Variants in DSCAML1 observed in about 807,000 individuals in gnomAD.
DSCAML1 encodes the protein DS cell adhesion molecule like 1, also known as cell adhesion molecule DSCAML1.
A neutral mutation model predicts 200.5 loss-of-function variants in DSCAML1; 38 were observed. That is an observed-to-expected ratio of 0.19 (90% confidence interval 0.15 to 0.25). The LOEUF (loss-of-function observed/expected upper bound fraction) is 0.25, where lower values mean the gene tolerates loss of function less well. Ranked by LOEUF, DSCAML1 falls within the 10% of genes least tolerant of loss-of-function variation. The pLI is 1.00. For missense variants in DSCAML1, 2,223 were observed against 2,858.8 expected (o/e 0.78, Z 5.07); for synonymous variants, 1,215 against 1,165.0 (o/e 1.04, Z -0.87).
At position 117,436,042 on chromosome 11, in the gene DSCAML1, A is replaced by G. The variant is rs144262042; in HGVS notation, c.4721-243T>C. ...AACAAAGTCCTGGTACTGTTGTAGAATTAGCCTAAAGTCTCCTGGAGTTAG... is the reference window on the plus strand; with the variant it reads ...AACAAAGTCCTGGTACTGTTGTAGAGTTAGCCTAAAGTCTCCTGGAGTTAG... On this transcript the variant is annotated intron_variant, in intron 26 of 32. Coordinates refer to ENST00000651296, the MANE Select transcript of DSCAML1 (RefSeq NM_020693.4). Among the ~76,000 whole-genome samples, 326 of 152,340 alleles carry G rather than the reference A, an allele frequency of 2.1e-3. 1 individual carries two copies. The highest frequency in any genetic ancestry group is 7.3e-3 in the African/African-American group (303 of 41,580).
intron 3 of DSCAML1, among the ~76,000 whole-genome samples, chr11:117,543,959 T>A (rs1279722265): frequency 2.0e-5 from 3 of 152,146 alleles, no homozygotes; most frequent in Non-Finnish European, 4.4e-5. Context: ...AACCAGAAGC[T>A]GAGGAAGGGG....
At chr11:117,476,201 G>A (rs2048788600) in intron 14 of DSCAML1, among the ~76,000 whole-genome samples, 1 of 152,162 alleles carries the variant, frequency 6.6e-6, no homozygotes, top group East Asian at 1.9e-4. Context: ...GGAGATGTCA[G>A]TGCCTTCTGC....
chr11:117,575,589 G>C (rs115651152), intron 3 of DSCAML1, among the ~76,000 whole-genome samples: 2,525 of 152,284 alleles, frequency 0.017, 66 homozygotes, highest in African/African-American at 0.057. Context: ...CTCAAAGCTT[G>C]ACCTCCAACT....
At chr11:117,686,951 T>C (rs1451672240) in intron 3 of DSCAML1, among the ~76,000 whole-genome samples, 1 of 152,224 alleles carries the variant, frequency 6.6e-6, no homozygotes, top group Non-Finnish European at 1.5e-5. Context: ...TTATGACACA[T>C]TGAATGTCTT....
At chr11:117,636,501 G>C (rs2052286490) in intron 3 of DSCAML1, among the ~76,000 whole-genome samples, 1 of 152,062 alleles carries the variant, frequency 6.6e-6, no homozygotes, top group Non-Finnish European at 1.5e-5. Flanking sequence ...GCTTCCTATG[G>C]GCTCTATCCT....
chr11:117,741,436 C>G (rs1291683318), intron 3 of DSCAML1, among the ~76,000 whole-genome samples: 1 of 152,238 alleles, frequency 6.6e-6, no homozygotes, highest in Non-Finnish European at 1.5e-5. Context: ...CTGCATGGAG[C>G]AGATGCCCAC....
chr11:117,532,350 C>T (rs760976081), intron 4 of DSCAML1, 26 bp downstream of exon 4: 12 of 1,605,884 alleles, frequency 7.5e-6, no homozygotes, highest in African/African-American at 1.3e-5. Context: ...CAGCCTGCCC[C>T]GTTCTCCCCA....
intron 3 of DSCAML1, among the ~76,000 whole-genome samples, chr11:117,568,217 T>G (rs2050788846): frequency 6.6e-6 from 1 of 152,304 alleles, no homozygotes; most frequent in African/African-American, 2.4e-5. Context: ...ATTGATGGGA[T>G]GTATCTCAAA....
chr11:117,671,878 G>A (rs1430450357), intron 3 of DSCAML1, among the ~76,000 whole-genome samples: 8 of 152,026 alleles, frequency 5.3e-5, no homozygotes, highest in Non-Finnish European at 4.4e-5. Context: ...TTGGGAGGCC[G>A]AGGCGGGCGG....
rs200907313 is a variant in DSCAML1 at position 117,598,452 on chromosome 11, C to T, written c.512-65930G>A. On this transcript the variant is annotated intron_variant, in intron 3 of 32. Coordinates refer to ENST00000651296, the MANE Select transcript of DSCAML1 (RefSeq NM_020693.4). ...TTTTCTGACATCCCAATCCAAGCTA[C>T]GCCCAGCTATAACATGGGCATCTAG... is the stretch of plus-strand genomic sequence containing the variant. Among the ~76,000 whole-genome samples, 28 of 152,126 alleles carry T rather than the reference C, an allele frequency of 1.8e-4. 1 individual carries two copies. The highest frequency in any genetic ancestry group is 3.9e-4 in the East Asian group (2 of 5,192).
At chr11:117,712,519 T>C (rs1335213019) in intron 3 of DSCAML1, among the ~76,000 whole-genome samples, 12 of 152,134 alleles carry the variant, frequency 7.9e-5, no homozygotes, top group Non-Finnish European at 2.9e-5. Context: ...GCTGGTTTCT[T>C]ATGGAAATAA....
At chr11:117,798,267 T>C (rs1180675376), upstream of DSCAML1, among the ~76,000 whole-genome samples, 1 of 151,998 alleles carries the variant, frequency 6.6e-6, no homozygotes, top group African/African-American at 2.4e-5. Flanking sequence ...AGGTGTGGAG[T>C]GCGAAGTTTG....
Position 117,588,420 on chromosome 11 carries a change from G to A in DSCAML1, c.512-55898C>T, listed in dbSNP as rs567525448. ...CTTAGGTAGCCTGTGCACCTTGTAG[G>A]GGCAAATTAACCAGGGATAACACGG... On this transcript the variant is annotated intron_variant, in intron 3 of 32. Transcript: ENST00000651296. Among the ~76,000 whole-genome samples, 12 of 152,242 alleles carry A rather than the reference G, an allele frequency of 7.9e-5. No individual in the cohort carries two copies. The South Asian group carries it at 2.5e-3, about 32-fold the overall frequency.
intron 11 of DSCAML1, among the ~76,000 whole-genome samples, chr11:117,485,665 T>C (rs1337182190): frequency 1.3e-5 from 2 of 152,254 alleles, no homozygotes; most frequent in Non-Finnish European, 2.9e-5. Context: ...AGGGGTTCCA[T>C]CAAGACAGGA....
At chr11:117,452,097 C>T (rs2048294597) in intron 19 of DSCAML1, among the ~76,000 whole-genome samples, 1 of 152,170 alleles carries the variant, frequency 6.6e-6, no homozygotes, top group Non-Finnish European at 1.5e-5. Flanking sequence ...GATGTCTCTG[C>T]AGCTGTGGGG....
At chr11:117,638,871 T>G (rs2052343584) in intron 3 of DSCAML1, among the ~76,000 whole-genome samples, 1 of 152,220 alleles carries the variant, frequency 6.6e-6, no homozygotes, top group African/African-American at 2.4e-5. Context: ...TGGATGTATG[T>G]TTTCCTTTTT....
chr11:117,517,580 A>C (rs569584451), intron 7 of DSCAML1, among the ~76,000 whole-genome samples: 2 of 152,170 alleles, frequency 1.3e-5, no homozygotes, highest in Non-Finnish European at 2.9e-5. Flanking sequence ...GGAAACCCAC[A>C]CTTCTGTCAG....
intron 1 of DSCAML1, among the ~76,000 whole-genome samples, chr11:117,791,877 CACTA>C (rs1016545365): frequency 5.3e-5 from 8 of 152,202 alleles, no homozygotes; most frequent in Admixed American, 2.0e-4. Context: ...GTTTATTGAG[CACTA>C]ACTATGTTCT....
rs1023450315 is a variant in DSCAML1, at chr11:117,605,880, A to G, written c.512-73358T>C. On this transcript the variant is annotated intron_variant, in intron 3 of 32. Transcript: ENST00000651296. Reference sequence around the variant, plus strand: ...AGTCACTTAATCTCCCTGAGCCTCAATTTCCTTATCTGTCAACGGAGGCCA... The same window carrying G: ...AGTCACTTAATCTCCCTGAGCCTCAGTTTCCTTATCTGTCAACGGAGGCCA... Among the ~76,000 whole-genome samples the G allele has an allele frequency of 2.6e-5, 4 of 151,956 alleles. No individual in the cohort carries two copies. In the South Asian group the frequency reaches 6.2e-4, roughly 24 times the overall value.
Sources: gnomAD v4.1 joint callset for allele counts (sites outside exome capture counted in the v4.1 genomes callset) on GRCh38, gnomAD v4.1.1 for gene constraint, MANE v1.5 for transcripts, NCBI Gene and HGNC (gene_info 2026-07-23, HGNC 2026-07-21) for gene names.